HYAL3: variants seen among roughly 807,000 people sequenced by gnomAD.
HYAL3 encodes hyaluronidase-3.
In HYAL3, 25 loss-of-function variants were observed where a neutral mutation model predicts 29.6. The ratio of observed to expected loss-of-function variants is 0.85; its 90% CI spans 0.62 to 1.18. The LOEUF is 1.18. HYAL3 is among the 50% of genes most tolerant of loss of function. The pLI is 0.00. For synonymous variants in HYAL3, 215 were observed against 218.3 expected (o/e 0.99, Z 0.13); for missense variants, 442 against 548.4 (o/e 0.81, Z 1.94).
In HYAL3 at chr3:50,295,359, G is replaced by T. The variant is rs1701802874; in HGVS notation, c.244C>A (p.Pro82Thr). 1 of 1,614,080 alleles carries T rather than the reference G, an allele frequency of 6.2e-7. No individual in the cohort carries two copies. The change falls in exon 2 of 4, where the codon CCC (proline) becomes ACC (threonine). Residue 82 changes from proline to threonine, a missense_variant. By Grantham distance (38) the Pro-to-Thr change is conservative. Coordinates refer to ENST00000336307, the MANE Select transcript of HYAL3 (RefSeq NM_003549.4). Reference protein sequence around the residue: ...IFYKNQLGLYPYFGPRGTAHN... With the variant: ...IFYKNQLGLYTYFGPRGTAHN... Reference sequence around the variant, plus strand: ...GCTGTGCCCCTGGGTCCAAAGTAGGGATAGAGGCCGAGTTGGTTCTTGTAG... The same window carrying T: ...GCTGTGCCCCTGGGTCCAAAGTAGGTATAGAGGCCGAGTTGGTTCTTGTAG...
chr3:50,292,854 G>A lies in HYAL3; in HGVS notation c.*392C>T. 1.3e-6 allele frequency: 2 copies of A among 1,492,758 alleles called. No homozygotes were observed. Among genetic ancestry groups the A allele is most frequent in the Non-Finnish European group, 1.8e-6 (2 of 1,112,738 alleles). The allele number at this position is 1,492,758 out of a possible 1,614,324, so 92.5% of individuals were successfully genotyped here. On this transcript the variant is annotated 3_prime_UTR_variant, in exon 4 of 4. Transcript: ENST00000336307. Reference sequence around the variant, plus strand: ...AGGCAGTGGAAAAAAGTGACTTTATGATGAAAGAGTGCAGACAACAGCTTA... The same window carrying A: ...AGGCAGTGGAAAAAAGTGACTTTATAATGAAAGAGTGCAGACAACAGCTTA...
intron 1 of HYAL3, chr3:50,296,755 T>C: frequency 6.2e-7 from 1 of 1,605,682 alleles, no homozygotes; most frequent in Non-Finnish European, 8.5e-7. Context: ...GGAGGTCCCT[T>C]GGGACCCCTT....
chr3:50,298,248 G>A (rs1553711729), intron 1 of HYAL3, among the ~76,000 whole-genome samples: 1 of 152,094 alleles, frequency 6.6e-6, no homozygotes, highest in African/African-American at 2.4e-5. Context: ...CCTGGGCTAT[G>A]CCCACTGCCT....
intron 1 of HYAL3, among the ~76,000 whole-genome samples, chr3:50,298,394 G>GTCTCC (rs1167882648): frequency 1.3e-5 from 2 of 151,970 alleles, no homozygotes; most frequent in African/African-American, 4.8e-5. Context: ...AGACCCAACT[G>GTCTCC]TCTCCTCAGA....
chr3:50,297,522 T>G lies in HYAL3; in HGVS notation c.-18+1691A>C. On this transcript the variant is annotated intron_variant, in intron 1 of 3. Coordinates refer to ENST00000336307, the MANE Select transcript of HYAL3 (RefSeq NM_003549.4). The surrounding 1 kb of genome is among the most constrained non-coding windows in gnomAD (Gnocchi z 4.3). ...GGCTGGGCCAGGGCTCAGAGTCAGCTCTTGCCTATGCACAGGATCCAGGTT... is the reference window on the plus strand; with the variant it reads ...GGCTGGGCCAGGGCTCAGAGTCAGCGCTTGCCTATGCACAGGATCCAGGTT... The G allele has an allele frequency of 6.5e-7, 1 of 1,531,098 alleles. No homozygotes were observed. The highest frequency in any genetic ancestry group is 1.8e-4 in the Middle Eastern group (1 of 5,676). The allele number at this position is 1,531,098 out of a possible 1,614,324, so 94.8% of individuals were successfully genotyped here. A position where few individuals can be genotyped will look rare whatever the true frequency, so the allele number is the denominator to read the frequency against.
chr3:50,296,660 C>T (rs782820007), intron 1 of HYAL3: 1 of 1,613,968 alleles, frequency 6.2e-7, no homozygotes, highest in Non-Finnish European at 8.5e-7. Context: ...GATATTGTGT[C>T]TCCAGCAGGC....
At chr3:50,298,391 A>G (rs587616203) in intron 1 of HYAL3, among the ~76,000 whole-genome samples, 2 of 151,804 alleles carry the variant, frequency 1.3e-5, no homozygotes, top group African/African-American at 4.8e-5. Flanking sequence ...TATAGACCCA[A>G]CTGTCTCCTC....
In HYAL3 at chr3:50,297,023, C is replaced by A. The variant is rs1553711349; in HGVS notation, c.-17-1404G>T. 6.5e-7 allele frequency: 1 copy of A among 1,544,212 alleles called. No individual in the cohort carries two copies. Among genetic ancestry groups the A allele is most frequent in the Non-Finnish European group, 8.7e-7 (1 of 1,149,128 alleles). The stretch of plus-strand genomic sequence containing the variant: ...GGCGGCGGCCAAAGCCACGGCCCCT[C>A]AGGGCCCGGGCCACCACCACTGTCT... On this transcript the variant is annotated intron_variant, in intron 1 of 3. Transcript: ENST00000336307. The surrounding 1 kb of genome is among the most constrained non-coding windows in gnomAD (Gnocchi z 4.3).
In HYAL3 at chr3:50,297,311, C is replaced by T. The variant is rs1400419338; in HGVS notation, c.-17-1692G>A. Reference sequence around the variant, plus strand: ...ACTCAGCCAGGCTAGGAGCTGGGGTCTCCTCTGGCTGGTGTTCAGGATCCA... The same window carrying T: ...ACTCAGCCAGGCTAGGAGCTGGGGTTTCCTCTGGCTGGTGTTCAGGATCCA... On this transcript the variant is annotated intron_variant, in intron 1 of 3. Transcript: ENST00000336307. This position sits in a 1 kb window ranked among gnomAD's most constrained non-coding sequence, Gnocchi z 4.3. The T allele has an allele frequency of 6.2e-7, 1 of 1,604,066 alleles. No individual in the cohort carries two copies. Among genetic ancestry groups the T allele is most frequent in the African/African-American group, 1.3e-5 (1 of 74,714 alleles).
Position 50,294,699 on chromosome 3 carries a change from T to G in HYAL3, c.894+10A>C, listed in dbSNP as rs782277761. ...CTGACTCAGACCCCTAGACCTCAGC[T>G]TCCACTTACCTGGGACAGGAACCTC... On this transcript the variant is annotated intron_variant, in intron 2 of 3. Transcript: ENST00000336307. 6.7e-6 allele frequency: 10 copies of G among 1,500,480 alleles called. No individual in the cohort carries two copies. The highest frequency in any genetic ancestry group is 8.9e-6 in the Non-Finnish European group (10 of 1,124,100). The allele number at this position is 1,500,480 out of a possible 1,614,324, so 92.9% of individuals were successfully genotyped here.
In HYAL3 at chr3:50,295,327, A is replaced by G; in HGVS notation, c.276T>C (p.Asn92=). The change falls in exon 2 of 4, where the codon AAT becomes AAC. Residue 92 remains asparagine, a synonymous_variant. Transcript: ENST00000336307. ...GGGGCAAAGCCTGGGGGATGCCCCCATTGTGAGCTGTGCCCCTGGGTCCAA... is the reference window on the plus strand; with the variant it reads ...GGGGCAAAGCCTGGGGGATGCCCCCGTTGTGAGCTGTGCCCCTGGGTCCAA... ...PYFGPRGTAH[N]GGIPQALPLD... is the part of the protein sequence containing the mutation. 6.2e-7 allele frequency: 1 copy of G among 1,614,218 alleles called. No individual in the cohort carries two copies. Among genetic ancestry groups the G allele is most frequent in the African/African-American group, 1.3e-5 (1 of 75,074 alleles).
In HYAL3 at chr3:50,297,015, C is replaced by T. The variant is rs587623768; in HGVS notation, c.-17-1396G>A. On this transcript the variant is annotated intron_variant, in intron 1 of 3. Transcript: ENST00000336307. This position sits in a 1 kb window ranked among gnomAD's most constrained non-coding sequence, Gnocchi z 4.3. Reference sequence around the variant, plus strand: ...CTCCATGAGGCGGCGGCCAAAGCCACGGCCCCTCAGGGCCCGGGCCACCAC... The same window carrying T: ...CTCCATGAGGCGGCGGCCAAAGCCATGGCCCCTCAGGGCCCGGGCCACCAC... 9 of 1,549,112 alleles carry T rather than the reference C, an allele frequency of 5.8e-6. No individual in the cohort carries two copies. Among genetic ancestry groups the T allele is most frequent in the African/African-American group, 1.4e-5 (1 of 72,786 alleles).
rs1159170681 is a variant in HYAL3, at chr3:50,295,192, C to A, written c.411G>T (p.Gly137=). The A allele has an allele frequency of 6.2e-7, 1 of 1,613,416 alleles. No homozygotes were observed. Among genetic ancestry groups the A allele is most frequent in the Admixed American group, 1.7e-5 (1 of 60,036 alleles). Residue 137 remains glycine (G), a synonymous_variant, in exon 2 of 4, where the codon GGG becomes GGT. Coordinates refer to ENST00000336307, the MANE Select transcript of HYAL3 (RefSeq NM_003549.4). The part of the protein sequence containing the change: ...DWEEWCPLWA[G]NWGRRRAYQA... ...GATAAGCTCGGCGGCGGCCCCAGTTCCCAGCCCAGAGTGGACACCACTCCT... is the reference window on the plus strand; with the variant it reads ...GATAAGCTCGGCGGCGGCCCCAGTTACCAGCCCAGAGTGGACACCACTCCT...
chr3:50,298,627 C>T (rs895575400), intron 1 of HYAL3, among the ~76,000 whole-genome samples: 3 of 152,114 alleles, frequency 2.0e-5, no homozygotes, highest in South Asian at 4.1e-4. Context: ...GTCCTGCCGT[C>T]CGGCAGGTCT....
rs1553710912 is a variant in HYAL3, at chr3:50,295,436, C to A, written c.167G>T (p.Gly56Val). ...ATGCTGGCCACGGTTGGCTATGATG[C>A]CCAGAGCATTGAGTGGCAGGTGCAC... ...FGVHLPLNAL[G>V]IIANRGQHFH... is the part of the protein sequence containing the mutation. The change falls in exon 2 of 4, where the codon GGC (glycine) becomes GTC (valine). Residue 56 changes from glycine to valine, a missense_variant. Transcript: ENST00000336307. 1 of 1,614,080 alleles carries A rather than the reference C, an allele frequency of 6.2e-7. No individual in the cohort carries two copies. The highest frequency in any genetic ancestry group is 1.1e-5 in the South Asian group (1 of 91,096).
At chr3:50,298,022 A>G (rs1023668916) in intron 1 of HYAL3, 184 of 986,036 alleles carry the variant, frequency 1.9e-4, no homozygotes, top group Non-Finnish European at 2.1e-4. Flanking sequence ...CCAGGTCTAT[A>G]AAACAGCCGA....
intron 1 of HYAL3, chr3:50,298,684 T>C: frequency 1.1e-6 from 1 of 891,954 alleles, no homozygotes; most frequent in Non-Finnish European, 1.3e-6. Flanking sequence ...GCCCCCTCCT[T>C]CTACTCACCT....
rs1329152931 is a variant in HYAL3 at position 50,297,168 on chromosome 3, T to C, written c.-17-1549A>G. On this transcript the variant is annotated intron_variant, in intron 1 of 3. Transcript: ENST00000336307. The surrounding 1 kb of genome is among the most constrained non-coding windows in gnomAD (Gnocchi z 4.3). ...CAGCATCAGGCAGAGGGGGAAGGCA[T>C]CTGAGGACTGGCCCAGGGAGTGCAG... 1.9e-6 allele frequency: 3 copies of C among 1,606,688 alleles called. No homozygotes were observed. Among genetic ancestry groups the C allele is most frequent in the Non-Finnish European group, 2.6e-6 (3 of 1,175,678 alleles).
In HYAL3 at chr3:50,296,396, C is replaced by G. The variant is rs1202826278; in HGVS notation, c.-17-777G>C. On this transcript the variant is annotated intron_variant, in intron 1 of 3. Transcript: ENST00000336307. Reference sequence around the variant, plus strand: ...AGGGGGATCAACAAATAAACTGTCACAGCCATACCCAAGAGAGCCTTTATT... The same window carrying G: ...AGGGGGATCAACAAATAAACTGTCAGAGCCATACCCAAGAGAGCCTTTATT... 3 of 612,912 alleles carry G rather than the reference C, an allele frequency of 4.9e-6. No individual in the cohort carries two copies. The African/African-American group carries it at 5.6e-5, about 11-fold the overall frequency. 38.0% of individuals were successfully genotyped at this position (612,912 alleles called of 1,614,324 possible).
Sources: allele counts gnomAD v4.1 joint callset (sites outside exome capture counted in the v4.1 genomes callset), GRCh38; gene constraint gnomAD v4.1.1; non-coding constraint Gnocchi (gnomAD v3.1); transcripts MANE v1.5; gene names NCBI Gene and HGNC (gene_info 2026-07-23, HGNC 2026-07-21).